SH3GL1: variants seen among roughly 807,000 people sequenced by gnomAD.
The protein encoded by SH3GL1 is SH3 domain containing GRB2 like 1, endophilin A2, also known as endophilin-A2.
SH3GL1 carries 21 observed loss-of-function variants against 48.8 expected under a neutral mutation model. The observed-to-expected ratio is 0.43, with a 90% confidence interval of 0.30 to 0.62. The LOEUF is 0.62. SH3GL1 is among the 20% of genes least tolerant of loss of function. SH3GL1 has a pLI of 0.11. For synonymous variants in SH3GL1, 282 were observed against 217.5 expected (o/e 1.30, Z -2.61); for missense variants, 454 against 503.0 (o/e 0.90, Z 0.93).
chr19:4,390,853 C>T (rs568404641), intron 1 of SH3GL1, among the ~76,000 whole-genome samples: 2 of 152,214 alleles, frequency 1.3e-5, no homozygotes, highest in Admixed American at 1.3e-4. Context: ...CTCCTCTAAG[C>T]TCTGCCCCGG....
intron 1 of SH3GL1, among the ~76,000 whole-genome samples, chr19:4,387,844 C>T (rs926621560): frequency 6.6e-5 from 10 of 151,952 alleles, no homozygotes; most frequent in Admixed American, 2.0e-4. Flanking sequence ...TTACTACGCC[C>T]GACGAATTTT....
intron 1 of SH3GL1, among the ~76,000 whole-genome samples, chr19:4,380,613 G>C (rs1426511193): frequency 1.3e-5 from 2 of 152,118 alleles, no homozygotes; most frequent in South Asian, 4.1e-4. Context: ...TGGAAAAAAC[G>C]TGCGTCAAAC....
intron 5 of SH3GL1, 102 bp downstream of exon 5, chr19:4,363,986 C>T (rs1972700679): frequency 2.5e-6 from 4 of 1,603,266 alleles, no homozygotes; most frequent in Non-Finnish European, 3.4e-6. Context: ...CTGCCTGAGA[C>T]CCAGAGGGCA....
chr19:4,377,845 C>G lies in SH3GL1; in HGVS notation c.46-10851G>C, dbSNP rs532725760. 7.9e-5 allele frequency among the ~76,000 whole-genome samples: 12 copies of G among 152,336 alleles called. No homozygotes were observed. The South Asian group carries it at 8.3e-4, about 11-fold the overall frequency. On this transcript the variant is annotated intron_variant, in intron 1 of 9. Transcript: ENST00000269886. ...GAGGAAGCAGGCAAATGGCCCGAGT[C>G]CCCCCACCATCTCCCCTGCAGCGAG...
rs934502777 is a variant in SH3GL1, at chr19:4,361,928, C to T, written c.911-132G>A. 1.1e-5 allele frequency: 7 copies of T among 658,950 alleles called. No individual in the cohort carries two copies. In the South Asian group the frequency reaches 1.3e-4, roughly 12 times the overall value. The allele number at this position is 658,950 out of a possible 1,614,324, so 40.8% of individuals were successfully genotyped here. A position where few individuals can be genotyped will look rare whatever the true frequency, so the allele number is the denominator to read the frequency against. On this transcript the variant is annotated intron_variant, in intron 9 of 9. Coordinates refer to ENST00000269886, the MANE Select transcript of SH3GL1 (RefSeq NM_003025.4). ...CCCCTCTGCCCTGCCTGGGCCACCC[C>T]CTGCCCCTGCCACTTCTGGGGTCCG... is the stretch of plus-strand genomic sequence containing the variant.
At chr19:4,382,627 C>T (rs979732435) in intron 1 of SH3GL1, among the ~76,000 whole-genome samples, 1 of 152,154 alleles carries the variant, frequency 6.6e-6, no homozygotes, top group Non-Finnish European at 1.5e-5. Context: ...TAATCTCCCA[C>T]CCCCAGGTCC....
At chr19:4,365,292 G>C (rs934288244) in intron 4 of SH3GL1, among the ~76,000 whole-genome samples, 190 bp downstream of exon 4, 3 of 152,164 alleles carry the variant, frequency 2.0e-5, no homozygotes, top group African/African-American at 7.2e-5. Context: ...ACAGGAAGGG[G>C]CCCTATCAGC....
Position 4,367,007 on chromosome 19 carries a change from A to C in SH3GL1, c.46-13T>G. On this transcript the variant is annotated splice_polypyrimidine_tract_variant and intron_variant, in intron 1 of 9. Transcript: ENST00000269886. The surrounding 1 kb of genome is among the most constrained non-coding windows in gnomAD (Gnocchi z 4.2). ...TCTCACTGACCAGCTAGAGGACAGAAGAGGGGAAACGCTGTGAGCCCAGGG... is the reference window on the plus strand; with the variant it reads ...TCTCACTGACCAGCTAGAGGACAGACGAGGGGAAACGCTGTGAGCCCAGGG... The C allele has an allele frequency of 1.2e-6, 2 of 1,613,658 alleles. No homozygotes were observed. Among genetic ancestry groups the C allele is most frequent in the Non-Finnish European group, 1.7e-6 (2 of 1,179,618 alleles).
Position 4,361,352 on chromosome 19 carries a change from T to C in SH3GL1, c.*248A>G, listed in dbSNP as rs914511002. The stretch of plus-strand genomic sequence containing the variant: ...GGAGCGGGGGAGGAGGCTGGCGCCA[T>C]GGAGTGGGGAAGGGAGCCGTCACCG... On this transcript the variant is annotated 3_prime_UTR_variant, in exon 10 of 10. Transcript: ENST00000269886. The C allele has an allele frequency of 5.8e-6, 3 of 517,200 alleles. No individual in the cohort carries two copies. The highest frequency in any genetic ancestry group is 3.9e-5 in the African/African-American group (2 of 51,446). 32.0% of individuals were successfully genotyped at this position (517,200 alleles called of 1,614,324 possible). A position where few individuals can be genotyped will look rare whatever the true frequency, so the allele number is the denominator to read the frequency against.
rs569180285 is a variant in SH3GL1, at chr19:4,361,262, G to C, written c.*338C>G. 5.2e-6 allele frequency: 2 copies of C among 383,090 alleles called. No individual in the cohort carries two copies. Among genetic ancestry groups the C allele is most frequent in the Non-Finnish European group, 4.8e-6 (1 of 209,122 alleles). 23.7% of individuals were successfully genotyped at this position (383,090 alleles called of 1,614,324 possible). The stretch of plus-strand genomic sequence containing the variant: ...GACGGAGGTGGGGGCTGCCCCAGAG[G>C]AACATTAGTGTTTCTAAGAGCACCT... On this transcript the variant is annotated 3_prime_UTR_variant, in exon 10 of 10. Coordinates refer to ENST00000269886, the MANE Select transcript of SH3GL1 (RefSeq NM_003025.4).
At chr19:4,375,188 G>A (rs2144887004) in intron 1 of SH3GL1, among the ~76,000 whole-genome samples, 1 of 152,236 alleles carries the variant, frequency 6.6e-6, no homozygotes, top group East Asian at 1.9e-4. Context: ...CAGAGCTCCA[G>A]GACAACCCCG....
rs1383663050 is a variant in SH3GL1, at chr19:4,361,692, T to C, written c.1015A>G (p.Ile339Val). 6.2e-7 allele frequency: 1 copy of C among 1,612,836 alleles called. No individual in the cohort carries two copies. The highest frequency in any genetic ancestry group is 8.5e-7 in the Non-Finnish European group (1 of 1,179,566). ...ATGCCCTCGTACCAGTTCTCATCGA[T>C]CTGGTTGGTCAGCGTGATGACGTCG... ...EGDVITLTNQIDENWYEGMLD... is the reference protein window; with the variant it reads ...EGDVITLTNQVDENWYEGMLD... Residue 339 changes from isoleucine (I) to valine (V), a missense_variant, in exon 10 of 10, where the codon ATC (isoleucine) becomes GTC (valine). This residue lies in a region of SH3GL1 where 278 missense variants were observed against 246.8 expected (regional missense o/e 1.13). Coordinates refer to ENST00000269886, the MANE Select transcript of SH3GL1 (RefSeq NM_003025.4).
Position 4,364,288 on chromosome 19 carries a change from G to A in SH3GL1, c.332-67C>T, listed in dbSNP as rs1206616157. 4 of 1,596,414 alleles carry A rather than the reference G, an allele frequency of 2.5e-6. No homozygotes were observed. In the African/African-American group the frequency reaches 5.4e-5, roughly 21 times the overall value. ...GACCACTAGACTGAGACACTCCTCA[G>A]CCTTTGTTTTTGAAATAGCGTTTCA... On this transcript the variant is annotated intron_variant, in intron 4 of 9. Transcript: ENST00000269886.
chr19:4,362,540 G>A, intron 8 of SH3GL1, 72 bp downstream of exon 8: 2 of 1,605,192 alleles, frequency 1.2e-6, no homozygotes, highest in Non-Finnish European at 1.7e-6. Context: ...CAGAGACCCA[G>A]GACAGGGCCA....
At chr19:4,394,860 T>A (rs1973398105) in intron 1 of SH3GL1, among the ~76,000 whole-genome samples, 1 of 152,240 alleles carries the variant, frequency 6.6e-6, no homozygotes, top group Non-Finnish European at 1.5e-5. Context: ...GGGGGGAAGC[T>A]GTCCTATGCA....
intron 1 of SH3GL1, among the ~76,000 whole-genome samples, chr19:4,398,891 A>G (rs2144935070): frequency 6.6e-6 from 1 of 152,358 alleles, no homozygotes; most frequent in East Asian, 1.9e-4. Context: ...ACTGGTGAGC[A>G]AAGATATTCA....
At position 4,366,574 on chromosome 19, in the gene SH3GL1, C is replaced by T. The variant is rs768517510; in HGVS notation, c.115-1G>A. 2 of 1,611,842 alleles carry T rather than the reference C, an allele frequency of 1.2e-6. No individual in the cohort carries two copies. Among genetic ancestry groups the T allele is most frequent in the Non-Finnish European group, 1.7e-6 (2 of 1,179,402 alleles). ...CCGCCTTGCTGGTGACATCCACCTT[C>T]TGTGAAGAGAAGCAGCATATAAGAC... is the stretch of plus-strand genomic sequence containing the variant. On this transcript the variant is annotated splice_acceptor_variant, in intron 2 of 9. Transcript: ENST00000269886. LOFTEE classifies it high-confidence loss of function.
chr19:4,361,394 G>A lies in SH3GL1; in HGVS notation c.*206C>T. The A allele has an allele frequency of 1.7e-6, 1 of 586,524 alleles. No homozygotes were observed. Among genetic ancestry groups the A allele is most frequent in the East Asian group, 2.8e-5 (1 of 35,280 alleles). The allele number at this position is 586,524 out of a possible 1,614,324, so 36.3% of individuals were successfully genotyped here. On this transcript the variant is annotated 3_prime_UTR_variant, in exon 10 of 10. Coordinates refer to ENST00000269886, the MANE Select transcript of SH3GL1 (RefSeq NM_003025.4). ...CCGTCACCGTTGGGAGTCAGCGCTA[G>A]TGTAAACAGGCATCCCCACCCACCC...
intron 1 of SH3GL1, among the ~76,000 whole-genome samples, chr19:4,379,595 G>T (rs1026365969): frequency 2.0e-5 from 3 of 152,058 alleles, no homozygotes; most frequent in African/African-American, 7.2e-5. Context: ...CAATCAACCT[G>T]CATTCCTGTC....
Sources: allele counts gnomAD v4.1 joint callset (sites outside exome capture counted in the v4.1 genomes callset), GRCh38; gene constraint gnomAD v4.1.1; regional missense constraint gnomAD v4.1.1; non-coding constraint Gnocchi (gnomAD v3.1); transcripts MANE v1.5; gene names NCBI Gene and HGNC (gene_info 2026-07-23, HGNC 2026-07-21).